Variants in DLGAP2 observed in about 807,000 individuals in gnomAD.
DLGAP2 encodes disks large-associated protein 2.
A neutral mutation model predicts 100.3 loss-of-function variants in DLGAP2; 26 were observed. That is an observed-to-expected ratio of 0.26 (90% CI 0.19 to 0.36). DLGAP2 has a LOEUF of 0.36. Ranked by LOEUF, DLGAP2 falls within the 10% of genes least tolerant of loss-of-function variation. The pLI is 1.00. For missense variants in DLGAP2, 1,858 were observed against 1,453.2 expected (o/e 1.28, Z -4.53); for synonymous variants, 886 against 630.1 (o/e 1.41, Z -6.08).
chr8:1,566,010 C>G (rs1442781183), intron 6 of DLGAP2, 116 bp downstream of exon 6: 2 of 807,256 alleles, frequency 2.5e-6, no homozygotes, highest in East Asian at 6.1e-5. Context: ...AATTGCCAAG[C>G]TGAAAATATT....
intron 3 of DLGAP2, among the ~76,000 whole-genome samples, chr8:1,360,176 C>G (rs1361027339): frequency 6.7e-6 from 1 of 149,204 alleles, no homozygotes; most frequent in Non-Finnish European, 1.5e-5. Flanking sequence ...GTTAGCGACT[C>G]CTGCTGCTTC....
At chr8:1,233,210 G>A (rs1798573628) in intron 2 of DLGAP2, among the ~76,000 whole-genome samples, 2 of 152,178 alleles carry the variant, frequency 1.3e-5, no homozygotes. Context: ...GGACATTTGA[G>A]TTGTTTCTGC....
chr8:1,061,950 C>G (rs569748537), intron 2 of DLGAP2, among the ~76,000 whole-genome samples: 1 of 151,968 alleles, frequency 6.6e-6, no homozygotes, highest in African/African-American at 2.4e-5. Flanking sequence ...AGGAAGTTGC[C>G]CATTTATGGC....
chr8:1,019,181 A>G (rs1801558111), intron 2 of DLGAP2: 1 of 152,154 alleles, frequency 6.6e-6, no homozygotes, highest in African/African-American at 2.4e-5. Flanking sequence ...GTGAGTGTGA[A>G]CAGCTTTCAC....
chr8:1,053,892 C>A (rs1802795434), intron 2 of DLGAP2, among the ~76,000 whole-genome samples: 1 of 152,150 alleles, frequency 6.6e-6, no homozygotes, highest in Non-Finnish European at 1.5e-5. Context: ...GCTTTTAGAG[C>A]AAGTACTGTT....
intron 3 of DLGAP2, among the ~76,000 whole-genome samples, chr8:1,270,310 A>C (rs1799554497): frequency 6.6e-6 from 1 of 152,180 alleles, no homozygotes; most frequent in Non-Finnish European, 1.5e-5. Flanking sequence ...AGCTCTGAAA[A>C]ATGTCCAGAA....
rs552024458 is a variant in DLGAP2, at chr8:1,593,615, G to C, written c.1442+27721G>C. On this transcript the variant is annotated intron_variant, in intron 6 of 14. Transcript: ENST00000637795. Reference sequence around the variant, plus strand: ...TGGCACAGCACCCTACAATCAGGAAGAGACCCCCTGGCTTCTACCTTCTCC... The same window carrying C: ...TGGCACAGCACCCTACAATCAGGAACAGACCCCCTGGCTTCTACCTTCTCC... Among the ~76,000 whole-genome samples the C allele has an allele frequency of 2.0e-4, 30 of 152,198 alleles. 1 individual carries two copies. The highest frequency in any genetic ancestry group is 7.2e-4 in the African/African-American group (30 of 41,554).
At chr8:1,321,149 G>T (rs1042145466) in intron 3 of DLGAP2, among the ~76,000 whole-genome samples, 2 of 151,620 alleles carry the variant, frequency 1.3e-5, no homozygotes, top group African/African-American at 2.4e-5. Flanking sequence ...ATGTGTGCAT[G>T]CATCCGTGCC....
intron 3 of DLGAP2, among the ~76,000 whole-genome samples, chr8:1,269,121 C>T (rs1470611230): frequency 1.3e-5 from 2 of 152,214 alleles, no homozygotes; most frequent in African/African-American, 4.8e-5. Context: ...CATTGGCTCA[C>T]CCCTTCATCG....
intron 2 of DLGAP2, among the ~76,000 whole-genome samples, chr8:1,106,726 G>C (rs1050942805): frequency 6.7e-6 from 1 of 148,898 alleles, no homozygotes; most frequent in African/African-American, 2.5e-5. Flanking sequence ...CTATTGAAGA[G>C]AGCCATTCTA....
At position 930,605 on chromosome 8, in the gene DLGAP2, G is replaced by C. The variant is rs566135292; in HGVS notation, c.73+22639G>C. Among the ~76,000 whole-genome samples the C allele has an allele frequency of 3.9e-5, 6 of 152,360 alleles. No homozygotes were observed. The East Asian group carries it at 1.2e-3, about 29-fold the overall frequency. On this transcript the variant is annotated intron_variant, in intron 2 of 14. Transcript: ENST00000637795. ...CAAAGACTACCTGGAGATGCAGAGA[G>C]GGCAGGTGCGTCCTGGGCTTGCCGC...
chr8:1,480,264 C>G lies in DLGAP2; in HGVS notation c.107-21102C>G, dbSNP rs550956916. ...CAAAAGCCGGGTCTTGTTTTTATGT[C>G]TCTTTGGAGTCCACATGTGATTTAA... On this transcript the variant is annotated intron_variant, in intron 3 of 14. Transcript: ENST00000637795. 1.3e-3 allele frequency among the ~76,000 whole-genome samples: 194 copies of G among 152,254 alleles called. 2 individuals are homozygous for G. Among genetic ancestry groups the G allele is most frequent in the African/African-American group, 4.4e-3 (181 of 41,536 alleles).
chr8:1,591,415 A>G (rs982259653), intron 6 of DLGAP2, among the ~76,000 whole-genome samples: 2 of 152,104 alleles, frequency 1.3e-5, no homozygotes, highest in African/African-American at 4.8e-5. Flanking sequence ...CTGCTTCTCT[A>G]AGACTGGACG....
chr8:1,045,925 A>G (rs964702063), intron 2 of DLGAP2, among the ~76,000 whole-genome samples: 1 of 152,182 alleles, frequency 6.6e-6, no homozygotes, highest in East Asian at 1.9e-4. Context: ...TTTGTAATCA[A>G]GTTTAACGGG....
chr8:1,097,222 C>T (rs577091600), intron 2 of DLGAP2, among the ~76,000 whole-genome samples: 1 of 132,384 alleles, frequency 7.6e-6, no homozygotes, highest in African/African-American at 3.0e-5. Context: ...CAGGCCTTCA[C>T]CCTCTGTGGC....
chr8:1,253,831 T>G (rs1799108009), intron 2 of DLGAP2, among the ~76,000 whole-genome samples: 2 of 152,206 alleles, frequency 1.3e-5, no homozygotes, highest in South Asian at 4.1e-4. Flanking sequence ...TTTTAATGGG[T>G]GTTCCTTGGG....
At chr8:1,138,667 C>A (rs188134025) in intron 2 of DLGAP2, among the ~76,000 whole-genome samples, 47 of 152,370 alleles carry the variant, frequency 3.1e-4, no homozygotes, top group Middle Eastern at 3.4e-3. Flanking sequence ...CCTCTCAGGT[C>A]TGCAAAAATA....
chr8:1,677,184 A>G (rs76298523), intron 11 of DLGAP2, among the ~76,000 whole-genome samples: 1,896 of 152,318 alleles, frequency 0.012, 46 homozygotes, highest in African/African-American at 0.043. Flanking sequence ...GGGCTCAGCC[A>G]ATGTGTGACA....
At chr8:977,189 C>A (rs1317539958) in intron 2 of DLGAP2, among the ~76,000 whole-genome samples, 1 of 152,232 alleles carries the variant, frequency 6.6e-6, no homozygotes, top group Non-Finnish European at 1.5e-5. Flanking sequence ...GCAAATGTTT[C>A]TGTAGACCAG....
Sources: gnomAD v4.1 joint callset for allele counts (sites outside exome capture counted in the v4.1 genomes callset) on GRCh38, gnomAD v4.1.1 for gene constraint, MANE v1.5 for transcripts, NCBI Gene and HGNC (gene_info 2026-07-23, HGNC 2026-07-21) for gene names.